The following FTCDNL1 variants were observed in gnomAD, a reference collection of about 807,000 sequenced individuals.
FTCDNL1 encodes the protein formiminotransferase N-terminal subdomain-containing protein.
A neutral mutation model predicts 5.9 loss-of-function variants in FTCDNL1; 11 were observed. That is an observed-to-expected ratio of 1.87 (90% CI 1.18 to 3.10). The LOEUF is 3.10. FTCDNL1 is among the 30% of genes most tolerant of loss of function. The probability of loss-of-function intolerance (pLI) is 0.00; values close to 1 mark genes in which losing one functional copy is unlikely to be tolerated. For synonymous variants in FTCDNL1, 58 were observed against 24.8 expected (o/e 2.34, Z -3.99); for missense variants, 115 against 65.5 (o/e 1.76, Z -2.61).
At chr2:199,664,524 A>C in the FTCDNL1 span, among the ~76,000 whole-genome samples, 1 of 152,230 alleles carries the variant, frequency 6.6e-6, no homozygotes, top group Non-Finnish European at 1.5e-5. Flanking sequence ...AATTTGAAAT[A>C]ACAGAAAAGC....
the FTCDNL1 span, among the ~76,000 whole-genome samples, chr2:199,738,505 G>C: frequency 6.6e-6 from 1 of 152,118 alleles, no homozygotes; most frequent in African/African-American, 2.4e-5. Flanking sequence ...ACGTTTAATG[G>C]AATATATAAA....
At chr2:199,828,471 C>A (rs891669723) in intron 3 of FTCDNL1, among the ~76,000 whole-genome samples, 2 of 152,188 alleles carry the variant, frequency 1.3e-5, no homozygotes, top group Non-Finnish European at 2.9e-5. Flanking sequence ...CCACTGCTCA[C>A]TGTAGCTCTC....
chr2:199,719,847 G>C, the FTCDNL1 span, among the ~76,000 whole-genome samples: 1 of 151,976 alleles, frequency 6.6e-6, no homozygotes, highest in Non-Finnish European at 1.5e-5. Context: ...TCTTGCCCAG[G>C]CTGGAGTATG....
chr2:199,701,071 G>A, the FTCDNL1 span, among the ~76,000 whole-genome samples: 1 of 152,022 alleles, frequency 6.6e-6, no homozygotes, highest in Non-Finnish European at 1.5e-5. Context: ...ACTAACATCA[G>A]AATCATGTGA....
chr2:199,805,287 C>T (rs1435444901), downstream of FTCDNL1, among the ~76,000 whole-genome samples: 2 of 152,136 alleles, frequency 1.3e-5, no homozygotes, highest in Non-Finnish European at 2.9e-5. Flanking sequence ...ATGTGGTTTG[C>T]AGAGTCCCAG....
At chr2:199,741,811 T>TA in the FTCDNL1 span, among the ~76,000 whole-genome samples, 4,196 of 150,404 alleles carry the variant, frequency 0.028, 110 homozygotes, top group East Asian at 0.16. Flanking sequence ...AATCCTACAG[T>TA]AAAAAAAAAA....
the FTCDNL1 span, among the ~76,000 whole-genome samples, chr2:199,727,011 A>G: frequency 5.9e-5 from 9 of 152,196 alleles, no homozygotes; most frequent in African/African-American, 2.2e-4. Context: ...AGAGGAAAAG[A>G]CTAAGTCTTC....
chr2:199,830,646 C>T (rs1702309898), intron 3 of FTCDNL1, among the ~76,000 whole-genome samples: 1 of 152,140 alleles, frequency 6.6e-6, no homozygotes, highest in South Asian at 2.1e-4. Context: ...ACGCCCAGTG[C>T]TGAGAGTTAA....
chr2:199,669,596 G>C, the FTCDNL1 span, among the ~76,000 whole-genome samples: 1 of 152,154 alleles, frequency 6.6e-6, no homozygotes, highest in Non-Finnish European at 1.5e-5. Context: ...TATATTTCAA[G>C]GGAAGTCGAG....
At chr2:199,668,459 A>C in the FTCDNL1 span, among the ~76,000 whole-genome samples, 2 of 152,086 alleles carry the variant, frequency 1.3e-5, no homozygotes, top group Admixed American at 6.5e-5. Flanking sequence ...TAGTATCTCC[A>C]GGCATGGCCA....
intron 3 of FTCDNL1, among the ~76,000 whole-genome samples, chr2:199,780,536 C>T (rs1019077312): frequency 2.0e-5 from 3 of 152,146 alleles, no homozygotes; most frequent in Non-Finnish European, 2.9e-5. Context: ...GGATGAATTG[C>T]CATGCTTCTC....
chr2:199,739,900 G>A, the FTCDNL1 span, among the ~76,000 whole-genome samples: 3 of 152,174 alleles, frequency 2.0e-5, no homozygotes, highest in Non-Finnish European at 2.9e-5. Flanking sequence ...AAGAACTTCA[G>A]TATGGGCTCT....
the FTCDNL1 span, among the ~76,000 whole-genome samples, chr2:199,680,658 G>A: frequency 1.3e-5 from 2 of 152,218 alleles, no homozygotes; most frequent in South Asian, 2.1e-4. Context: ...ATTTGTCATA[G>A]TTAGAGCAGT....
the FTCDNL1 span, among the ~76,000 whole-genome samples, chr2:199,703,136 T>C: frequency 6.6e-6 from 1 of 152,142 alleles, no homozygotes. Context: ...ACATGTGCCA[T>C]GCTGGTGTGC....
chr2:199,695,110 A>G, the FTCDNL1 span, among the ~76,000 whole-genome samples: 2 of 152,226 alleles, frequency 1.3e-5, no homozygotes, highest in African/African-American at 4.8e-5. Flanking sequence ...TCCATTGGCC[A>G]AAGCAAGTCA....
the FTCDNL1 span, among the ~76,000 whole-genome samples, chr2:199,734,920 A>C: frequency 1.3e-5 from 2 of 152,122 alleles, no homozygotes; most frequent in Non-Finnish European, 2.9e-5. Context: ...GCCTGGCAAA[A>C]TGTGCTAAAG....
At chr2:199,710,766 A>T in the FTCDNL1 span, among the ~76,000 whole-genome samples, 1 of 152,126 alleles carries the variant, frequency 6.6e-6, no homozygotes, top group African/African-American at 2.4e-5. Context: ...AAGGCCCCTG[A>T]AGTCGTAGCA....
chr2:199,707,068 C>T, the FTCDNL1 span, among the ~76,000 whole-genome samples: 215 of 152,278 alleles, frequency 1.4e-3, 1 homozygote, highest in African/African-American at 4.8e-3. Context: ...GCATGTCAGA[C>T]GTTATCACTT....
the FTCDNL1 span, among the ~76,000 whole-genome samples, chr2:199,675,216 G>C: frequency 6.6e-6 from 1 of 151,894 alleles, no homozygotes; most frequent in Non-Finnish European, 1.5e-5. Context: ...CTCTTCTACA[G>C]TTCCTTTATT....
Sources: allele counts gnomAD v4.1 joint callset (sites outside exome capture counted in the v4.1 genomes callset), GRCh38; gene constraint gnomAD v4.1.1; transcripts MANE v1.5; gene names NCBI Gene and HGNC (gene_info 2026-07-23, HGNC 2026-07-21).